Variants in ACOX2 observed in about 807,000 individuals in gnomAD.
ACOX2 encodes the protein peroxisomal acyl-coenzyme A oxidase 2.
ACOX2 carries 59 observed loss-of-function variants against 77.5 expected under a neutral mutation model. The ratio of observed to expected loss-of-function variants is 0.76; its 90% CI spans 0.62 to 0.95. The LOEUF (loss-of-function observed/expected upper bound fraction) is 0.95, where lower values mean the gene tolerates loss of function less well. ACOX2 is among the 40% of genes least tolerant of loss of function. The pLI is 0.00. For synonymous variants in ACOX2, 317 were observed against 340.1 expected (o/e 0.93, Z 0.75); for missense variants, 837 against 880.4 (o/e 0.95, Z 0.62).
In ACOX2 at chr3:58,534,286, C is replaced by A; in HGVS notation, c.323+74G>T. On this transcript the variant is annotated intron_variant, in intron 3 of 14. Coordinates refer to ENST00000302819, the MANE Select transcript of ACOX2 (RefSeq NM_003500.4). The surrounding 1 kb of genome is among the most constrained non-coding windows in gnomAD (Gnocchi z 4.8). ...GTCTTCCCTTTGTTGGGGGAAATGG[C>A]TCATGGGGCTAGGGGGTTTCCAGGT... 1 of 1,587,216 alleles carries A rather than the reference C, an allele frequency of 6.3e-7. No homozygotes were observed. Among genetic ancestry groups the A allele is most frequent in the African/African-American group, 1.4e-5 (1 of 74,006 alleles).
rs760369877 is a variant in ACOX2, at chr3:58,509,038, A to G, written c.1851-13T>C. ...GATGGCATCCTTCCTGGGATAGGAA[A>G]CAAGAGTTTGTAAGTATTTTAGATT... On this transcript the variant is annotated splice_polypyrimidine_tract_variant and intron_variant, in intron 13 of 14. Coordinates refer to ENST00000302819, the MANE Select transcript of ACOX2 (RefSeq NM_003500.4). The G allele has an allele frequency of 8.7e-6, 14 of 1,613,772 alleles. No homozygotes were observed. Among genetic ancestry groups the G allele is most frequent in the South Asian group, 3.3e-5 (3 of 91,084 alleles).
At chr3:58,517,903 T>C (rs1233999774) in intron 12 of ACOX2, among the ~76,000 whole-genome samples, 1 of 151,568 alleles carries the variant, frequency 6.6e-6, no homozygotes, top group East Asian at 1.9e-4. Flanking sequence ...GGTGAAACCC[T>C]GTCTCTACTA....
rs527335988 is a variant in ACOX2 at position 58,531,607 on chromosome 3, C to T, written c.703+86G>A. The T allele has an allele frequency of 1.3e-6, 2 of 1,554,590 alleles. No homozygotes were observed. The highest frequency in any genetic ancestry group is 2.7e-5 in the African/African-American group (2 of 73,330). On this transcript the variant is annotated intron_variant, in intron 6 of 14. Transcript: ENST00000302819. This position sits in a 1 kb window ranked among gnomAD's most constrained non-coding sequence, Gnocchi z 5.8. Reference sequence around the variant, plus strand: ...CCAAGGGAGACATGTCTTAGCTACTCCTGTGGCCCTCTGGGGCCCCAGGTC... The same window carrying T: ...CCAAGGGAGACATGTCTTAGCTACTTCTGTGGCCCTCTGGGGCCCCAGGTC...
chr3:58,534,102 C>A lies in ACOX2; in HGVS notation c.367G>T (p.Val123Leu), dbSNP rs753589589. The change falls in exon 4 of 15, where the codon GTG becomes TTG. Residue 123 changes from valine to leucine, a missense_variant. Val to Leu is a conservative substitution (Grantham distance 32, BLOSUM62 1). Coordinates refer to ENST00000302819, the MANE Select transcript of ACOX2 (RefSeq NM_003500.4). The surrounding 1 kb of genome is among the most constrained non-coding windows in gnomAD (Gnocchi z 4.8). ...DVALNIHRVF[V>L]RALRSLGSEE... ...GAGCCCAGGCTCCTGAGGGCTCTCA[C>A]GAAGACTCTGTGTATATTTAAGGCC... The A allele has an allele frequency of 6.2e-7, 1 of 1,614,044 alleles. No individual in the cohort carries two copies. The highest frequency in any genetic ancestry group is 1.7e-5 in the Admixed American group (1 of 59,998).
intron 13 of ACOX2, among the ~76,000 whole-genome samples, chr3:58,516,446 T>C (rs910557519): frequency 6.6e-6 from 1 of 152,160 alleles, no homozygotes; most frequent in Admixed American, 6.5e-5. Flanking sequence ...TCCAATAAAA[T>C]GAGGAGATTA....
Position 58,511,090 on chromosome 3 carries a change from G to A in ACOX2, c.1851-2065C>T, listed in dbSNP as rs1240831882. The A allele has an allele frequency of 1.3e-5, 6 of 456,220 alleles. No individual in the cohort carries two copies. The Admixed American group carries it at 1.4e-4, about 11-fold the overall frequency. 28.3% of individuals were successfully genotyped at this position (456,220 alleles called of 1,614,324 possible). ...GGAAGCAGTAAGAGAATCTGTGTAAGTTCCCACCCTTGCATTTATACATAC... is the reference window on the plus strand; with the variant it reads ...GGAAGCAGTAAGAGAATCTGTGTAAATTCCCACCCTTGCATTTATACATAC... On this transcript the variant is annotated intron_variant, in intron 13 of 14. Transcript: ENST00000302819.
At position 58,535,498 on chromosome 3, in the gene ACOX2, C is replaced by T. The variant is rs1560223147; in HGVS notation, c.-91-301G>A. Among the ~76,000 whole-genome samples, 2 of 152,170 alleles carry T rather than the reference C, an allele frequency of 1.3e-5. No homozygotes were observed. Among genetic ancestry groups the T allele is most frequent in the Admixed American group, 6.5e-5 (1 of 15,270 alleles). ...TTCACAAAAAAGTCAGTGAAGCTTACACCTGAAGAAAATAATCCTGGAGAG... is the reference window on the plus strand; with the variant it reads ...TTCACAAAAAAGTCAGTGAAGCTTATACCTGAAGAAAATAATCCTGGAGAG... On this transcript the variant is annotated intron_variant, in intron 1 of 14. Transcript: ENST00000302819. This position sits in a 1 kb window ranked among gnomAD's most constrained non-coding sequence, Gnocchi z 4.8.
rs1224953440 is a variant in ACOX2 at position 58,528,077 on chromosome 3, T to G, written c.1155+717A>C. 6.6e-6 allele frequency among the ~76,000 whole-genome samples: 1 copy of G among 152,216 alleles called. No homozygotes were observed. Among genetic ancestry groups the G allele is most frequent in the Non-Finnish European group, 1.5e-5 (1 of 68,034 alleles). ...GTGGCCCCAACAGGACAGAGGCTGC[T>G]GGGCAGCAGGACTGCTTTCAGATTT... On this transcript the variant is annotated intron_variant, in intron 9 of 14. Transcript: ENST00000302819. The surrounding 1 kb of genome is among the most constrained non-coding windows in gnomAD (Gnocchi z 5.6).
At position 58,531,205 on chromosome 3, in the gene ACOX2, C is replaced by T; in HGVS notation, c.819+46G>A. 6.4e-7 allele frequency: 1 copy of T among 1,566,300 alleles called. No individual in the cohort carries two copies. The highest frequency in any genetic ancestry group is 2.3e-5 in the East Asian group (1 of 44,332). On this transcript the variant is annotated intron_variant, in intron 7 of 14. Coordinates refer to ENST00000302819, the MANE Select transcript of ACOX2 (RefSeq NM_003500.4). This position sits in a 1 kb window ranked among gnomAD's most constrained non-coding sequence, Gnocchi z 5.8. ...GGCCCAGCCTGCACAAAGCGCAGGT[C>T]CCCTCTCCAGGAAGTACAAGTCCCC... is the stretch of plus-strand genomic sequence containing the variant.
chr3:58,529,467 G>C (rs2063420918), intron 8 of ACOX2, among the ~76,000 whole-genome samples: 1 of 152,220 alleles, frequency 6.6e-6, no homozygotes, highest in Non-Finnish European at 1.5e-5. Context: ...CAGTGCCCAA[G>C]GCTATGTCCG....
In ACOX2 at chr3:58,526,520, G is replaced by A. The variant is rs760613442; in HGVS notation, c.1292C>T (p.Ser431Leu). The change falls in exon 10 of 15, where the codon TCG becomes TTG. Residue 431 changes from serine (S) to leucine (L), a missense_variant. By Grantham distance (145) the Ser-to-Leu change is moderately radical (BLOSUM62 -2). Transcript: ENST00000302819. This position sits in a 1 kb window ranked among gnomAD's most constrained non-coding sequence, Gnocchi z 4.3. ...CTCACCCTCGTAGGTACAGGAGGCC[G>A]ACAATTTGGTGACCAGTGATGGCAG... ...SGLPSLVTKL[S>L]ASCTYEGENT... is the part of the protein sequence containing the mutation. The A allele has an allele frequency of 4.3e-6, 7 of 1,614,036 alleles. No individual in the cohort carries two copies. The Admixed American group carries it at 5.0e-5, about 12-fold the overall frequency.
chr3:58,524,608 G>T lies in ACOX2; in HGVS notation c.1347-3C>A. ...GCAGGTAGCTCTTCACCAGGAACCTGGGGGTTGGAAGAGGAGGCAGGTGAG... is the reference window on the plus strand; with the variant it reads ...GCAGGTAGCTCTTCACCAGGAACCTTGGGGTTGGAAGAGGAGGCAGGTGAG... On this transcript the variant is annotated splice_region_variant and splice_polypyrimidine_tract_variant and intron_variant, in intron 10 of 14. Coordinates refer to ENST00000302819, the MANE Select transcript of ACOX2 (RefSeq NM_003500.4). The surrounding 1 kb of genome is among the most constrained non-coding windows in gnomAD (Gnocchi z 5.5). 6.2e-7 allele frequency: 1 copy of T among 1,613,578 alleles called. No individual in the cohort carries two copies.
chr3:58,511,059 T>C (rs1283585881), intron 13 of ACOX2: 1 of 456,682 alleles, frequency 2.2e-6, no homozygotes, highest in East Asian at 6.9e-5. Context: ...ATTTCACTAA[T>C]GAAGTGGAAG....
At position 58,525,722 on chromosome 3, in the gene ACOX2, G is replaced by T. The variant is rs531977627; in HGVS notation, c.1346+744C>A. On this transcript the variant is annotated intron_variant, in intron 10 of 14. Coordinates refer to ENST00000302819, the MANE Select transcript of ACOX2 (RefSeq NM_003500.4). The surrounding 1 kb of genome is among the most constrained non-coding windows in gnomAD (Gnocchi z 5.0). ...CCTGGACAGAAAGAAGTGTGTGGCC[G>T]GCAGAAGTGAGCAGAGGTGGCTGGG... Among the ~76,000 whole-genome samples the T allele has an allele frequency of 6.6e-6, 1 of 152,168 alleles. No individual in the cohort carries two copies. The highest frequency in any genetic ancestry group is 3.2e-3 in the Middle Eastern group (1 of 316).
In ACOX2 at chr3:58,535,239, G is replaced by A. The variant is rs2063473455; in HGVS notation, c.-91-42C>T. ...CTGCCTAGGGCTGGGTGTCAGCCAG[G>A]GCTGGTTGGTAGAAGAAAGACATCC... On this transcript the variant is annotated intron_variant, in intron 1 of 14. Transcript: ENST00000302819. The surrounding 1 kb of genome is among the most constrained non-coding windows in gnomAD (Gnocchi z 4.8). The A allele has an allele frequency of 1.7e-6, 2 of 1,165,034 alleles. No homozygotes were observed. The highest frequency in any genetic ancestry group is 1.4e-5 in the South Asian group (1 of 70,196). 72.2% of individuals were successfully genotyped at this position (1,165,034 alleles called of 1,614,324 possible).
At chr3:58,520,889 C>T (rs764238012) in intron 12 of ACOX2, among the ~76,000 whole-genome samples, 3 of 152,160 alleles carry the variant, frequency 2.0e-5, no homozygotes, top group Non-Finnish European at 2.9e-5. Flanking sequence ...GGGAAAGCAT[C>T]TGGACTCAGC....
At position 58,533,537 on chromosome 3, in the gene ACOX2, C is replaced by T. The variant is rs773973776; in HGVS notation, c.491G>A (p.Gly164Asp). ...GTCATAGGTGGCTTCAGTCTCCAGG[C>T]CCTGAAGATATGTCCCTTAGGATCA... is the stretch of plus-strand genomic sequence containing the variant. ...TELGHGTYLQ[G>D]LETEATYDAA... The change falls in exon 5 of 15, where the codon GGC becomes GAC. Residue 164 changes from glycine (G) to aspartate (D), a missense_variant. Physicochemically the swap from Gly to Asp is moderately conservative, Grantham distance 94. Transcript: ENST00000302819. The surrounding 1 kb of genome is among the most constrained non-coding windows in gnomAD (Gnocchi z 5.6). 3 of 1,613,952 alleles carry T rather than the reference C, an allele frequency of 1.9e-6. No individual in the cohort carries two copies. In the East Asian group the frequency reaches 6.7e-5, roughly 36 times the overall value.
Position 58,521,738 on chromosome 3 carries a change from G to C in ACOX2, c.1632+758C>G, listed in dbSNP as rs572857797. On this transcript the variant is annotated intron_variant, in intron 12 of 14. Transcript: ENST00000302819. This position sits in a 1 kb window ranked among gnomAD's most constrained non-coding sequence, Gnocchi z 4.8. ...AGTGGTGCAAAAGGTCAGAGGCCTT[G>C]CCTGTCTCTCCTTCTCCCCTAGTCT... is the stretch of plus-strand genomic sequence containing the variant. Among the ~76,000 whole-genome samples, 2 of 152,344 alleles carry C rather than the reference G, an allele frequency of 1.3e-5. No individual in the cohort carries two copies. The highest frequency in any genetic ancestry group is 2.1e-4 in the South Asian group (1 of 4,830).
At chr3:58,513,608 C>T (rs1343161272) in intron 13 of ACOX2, among the ~76,000 whole-genome samples, 5 of 151,066 alleles carry the variant, frequency 3.3e-5, no homozygotes, top group Admixed American at 6.6e-5. Flanking sequence ...GTTGCAATAC[C>T]GTCTCTTAAC....
Sources: gnomAD v4.1 joint callset for allele counts (sites outside exome capture counted in the v4.1 genomes callset) on GRCh38, gnomAD v4.1.1 for gene constraint, Gnocchi (gnomAD v3.1) non-coding constraint, MANE v1.5 for transcripts, NCBI Gene and HGNC (gene_info 2026-07-23, HGNC 2026-07-21) for gene names.